DCHS2: variants seen among roughly 807,000 people sequenced by gnomAD.
DCHS2 encodes protocadherin-23.
In DCHS2, 142 loss-of-function variants were observed where a neutral mutation model predicts 182.4. That is an observed-to-expected ratio of 0.78 (90% CI 0.68 to 0.89). DCHS2 has a LOEUF of 0.89. Ranked by LOEUF, DCHS2 falls within the 40% of genes least tolerant of loss-of-function variation. The pLI, the probability that DCHS2 is intolerant of heterozygous loss-of-function variation, is 0.00. For missense variants in DCHS2, 4,319 were observed against 4,198.6 expected (o/e 1.03, Z -0.79); for synonymous variants, 1,740 against 1,663.3 (o/e 1.05, Z -1.12).
Position 154,236,074 on chromosome 4 carries a change from C to T in DCHS2, c.8578G>A (p.Ala2860Thr), listed in dbSNP as rs1239061155. The T allele has an allele frequency of 1.2e-6, 2 of 1,613,802 alleles. No individual in the cohort carries two copies. The highest frequency in any genetic ancestry group is 1.1e-5 in the South Asian group (1 of 91,078). The change falls in exon 20 of 20, where the codon GCA becomes ACA. Residue 2860 changes from alanine (A) to threonine (T), a missense_variant. Ala to Thr is a moderately conservative substitution (Grantham distance 58, BLOSUM62 0). Transcript: ENST00000357232. ...ACCCAGACCACTAAGGAGGCAGTTG[C>T]ATCACCTTTGTCTTTGGCTTGGACT... is the stretch of plus-strand genomic sequence containing the variant. ...LTVQAKDKGD[A>T]TASLVVWVDI...
chr4:154,394,444 T>C (rs2110856587), intron 1 of DCHS2, among the ~76,000 whole-genome samples: 1 of 152,294 alleles, frequency 6.6e-6, no homozygotes, highest in South Asian at 2.1e-4. Context: ...TTCAATTTTG[T>C]AGAAACCGAA....
intron 3 of DCHS2, among the ~76,000 whole-genome samples, chr4:154,337,475 C>T (rs778765936): frequency 3.9e-5 from 6 of 152,084 alleles, no homozygotes; most frequent in Non-Finnish European, 7.4e-5. Flanking sequence ...ACATCGATGG[C>T]TCCCCAGCTT....
intron 14 of DCHS2, among the ~76,000 whole-genome samples, chr4:154,264,180 G>A (rs191351469): frequency 9.2e-5 from 14 of 152,104 alleles, no homozygotes; most frequent in Admixed American, 2.0e-4. Flanking sequence ...TCAGAGAATC[G>A]TCAAAGAGCT....
rs1736585584 is a variant in DCHS2, at chr4:154,332,601, T to A, written c.3607A>T (p.Ser1203Cys). The A allele has an allele frequency of 6.2e-7, 1 of 1,614,192 alleles. No homozygotes were observed. The highest frequency in any genetic ancestry group is 1.3e-5 in the African/African-American group (1 of 75,052). The change falls in exon 5 of 20, where the codon AGC (serine) becomes TGC (cysteine). Residue 1203 changes from serine (S) to cysteine (C), a missense_variant. Ser to Cys is a moderately radical substitution (Grantham distance 112, BLOSUM62 -1). Coordinates refer to ENST00000357232, the MANE Select transcript of DCHS2 (RefSeq NM_001358235.2). Reference sequence around the variant, plus strand: ...CCTATTACCCCTTGGGGAACAGGGCTCTCTTCGACTTTCAAAAACAACACA... The same window carrying A: ...CCTATTACCCCTTGGGGAACAGGGCACTCTTCGACTTTCAAAAACAACACA... ...HDVLFLKVEE[S>C]PVPQGVIGKI...
At chr4:154,261,912 C>T (rs1016389749) in intron 14 of DCHS2, 2 of 152,092 alleles carry the variant, frequency 1.3e-5, no homozygotes, top group African/African-American at 4.8e-5. Context: ...GGTGATGAAA[C>T]TAGGTGGTCT....
chr4:154,312,487 T>C (rs1207069848), intron 10 of DCHS2, among the ~76,000 whole-genome samples: 2 of 152,184 alleles, frequency 1.3e-5, no homozygotes, highest in Non-Finnish European at 2.9e-5. Flanking sequence ...CATTTGAGGC[T>C]ACAGTGAGCC....
rs941499463 is a variant in DCHS2 at position 154,296,786 on chromosome 4, C to T, written c.6463+1065G>A. ...CTCAGGATGACAAGTGGTGCCTACT[C>T]ATAGATCAAATGTGTGAGTGGCCCA... On this transcript the variant is annotated intron_variant, in intron 13 of 19. Transcript: ENST00000357232. Among the ~76,000 whole-genome samples the T allele has an allele frequency of 3.3e-5, 5 of 152,244 alleles. No individual in the cohort carries two copies. In the South Asian group the frequency reaches 8.3e-4, roughly 25 times the overall value.
intron 3 of DCHS2, chr4:154,343,423 A>G: frequency 7.5e-7 from 1 of 1,336,182 alleles, no homozygotes; most frequent in South Asian, 2.4e-5. Context: ...ATTTCATATA[A>G]GGCTGTTTCA....
At chr4:154,391,354 C>G (rs914278979) in intron 1 of DCHS2, 15 of 1,538,294 alleles carry the variant, frequency 9.8e-6, no homozygotes, top group Admixed American at 6.0e-5. Flanking sequence ...TGGCATGAAC[C>G]CTTTCCTTGT....
chr4:154,453,464 C>A (rs1734625769), intron 1 of DCHS2, among the ~76,000 whole-genome samples: 1 of 152,100 alleles, frequency 6.6e-6, no homozygotes, highest in South Asian at 2.1e-4. Flanking sequence ...TAGCTGACAG[C>A]CTCCAGCTGC....
At position 154,486,562 on chromosome 4, in the gene DCHS2, T is replaced by C. The variant is rs776205654; in HGVS notation, c.2052+2742A>G. On this transcript the variant is annotated intron_variant, in intron 1 of 19. Coordinates refer to ENST00000357232, the MANE Select transcript of DCHS2 (RefSeq NM_001358235.2). Reference sequence around the variant, plus strand: ...CTTGTAGATGGCAACAGAAAGAAGGTACAGTTACAAGGAATGTATGTAATG... The same window carrying C: ...CTTGTAGATGGCAACAGAAAGAAGGCACAGTTACAAGGAATGTATGTAATG... 3 of 1,299,830 alleles carry C rather than the reference T, an allele frequency of 2.3e-6. No homozygotes were observed. In the South Asian group the frequency reaches 3.7e-5, roughly 16 times the overall value. 80.5% of individuals were successfully genotyped at this position (1,299,830 alleles called of 1,614,324 possible). A position where few individuals can be genotyped will look rare whatever the true frequency, so the allele number is the denominator to read the frequency against.
intron 1 of DCHS2, among the ~76,000 whole-genome samples, chr4:154,417,200 TGTGTGAGAGAGAGAGAGAGAGAGAGAGA>T (rs1339998715): frequency 6.0e-4 from 29 of 47,968 alleles, no homozygotes; most frequent in African/African-American, 1.9e-3. Context: ...TGTGTGTGTG[TGTGTGAGAGAGAGAGAGAGAGAGAGAGA>T]GAGAGAGAGA....
intron 1 of DCHS2, among the ~76,000 whole-genome samples, chr4:154,475,058 A>G (rs1446608462): frequency 1.3e-5 from 2 of 152,160 alleles, no homozygotes; most frequent in African/African-American, 2.4e-5. Context: ...AATAAAATTA[A>G]AGTATTACTA....
intron 1 of DCHS2, among the ~76,000 whole-genome samples, chr4:154,485,148 T>G (rs1459500385): frequency 1.3e-5 from 2 of 151,908 alleles, no homozygotes; most frequent in Non-Finnish European, 2.9e-5. Flanking sequence ...GAAGAGATTA[T>G]AGAAAGGCAA....
At chr4:154,323,492 T>C (rs954185294) in intron 7 of DCHS2, among the ~76,000 whole-genome samples, 2 of 152,200 alleles carry the variant, frequency 1.3e-5, no homozygotes, top group African/African-American at 4.8e-5. Context: ...AAAAGCTAGT[T>C]ATTTTTGATG....
chr4:154,381,032 A>AT (rs1197231211), intron 1 of DCHS2, among the ~76,000 whole-genome samples: 1 of 152,108 alleles, frequency 6.6e-6, no homozygotes, highest in Non-Finnish European at 1.5e-5. Context: ...GATTGTTTAA[A>AT]TTGAAGCAAG....
At chr4:154,433,600 G>A (rs1361750187) in intron 1 of DCHS2, among the ~76,000 whole-genome samples, 1 of 151,866 alleles carries the variant, frequency 6.6e-6, no homozygotes, top group Non-Finnish European at 1.5e-5. Flanking sequence ...TCACCATGTT[G>A]GCCAGGATGG....
rs1731316911 is a variant in DCHS2, at chr4:154,233,996, G to C, written c.*540C>G. On this transcript the variant is annotated 3_prime_UTR_variant, in exon 20 of 20. Coordinates refer to ENST00000357232, the MANE Select transcript of DCHS2 (RefSeq NM_001358235.2). ...AATTATGGCTAAACTCTACAGGTGT[G>C]GTATATGGGGAAAAATGGAGAAATA... 6.6e-6 allele frequency: 1 copy of C among 152,046 alleles called. No individual in the cohort carries two copies. The highest frequency in any genetic ancestry group is 2.4e-5 in the African/African-American group (1 of 41,390). The allele number at this position is 152,046 out of a possible 1,614,324, so 9.4% of individuals were successfully genotyped here.
intron 3 of DCHS2, chr4:154,357,239 T>C (rs1729914157): frequency 6.2e-7 from 1 of 1,612,520 alleles, no homozygotes; most frequent in Non-Finnish European, 8.5e-7. Context: ...TTAGCAGAGG[T>C]AAAAACATCT....
Sources: gnomAD v4.1 joint callset for allele counts (sites outside exome capture counted in the v4.1 genomes callset) on GRCh38, gnomAD v4.1.1 for gene constraint, MANE v1.5 for transcripts, NCBI Gene and HGNC (gene_info 2026-07-23, HGNC 2026-07-21) for gene names.